The following WWTR1 variants were observed in gnomAD, a reference collection of about 807,000 sequenced individuals.
The protein encoded by WWTR1 is WW domain-containing transcription regulator protein 1.
WWTR1 carries 13 observed loss-of-function variants against 40.1 expected under a neutral mutation model. The ratio of observed to expected loss-of-function variants is 0.32; its 90% confidence interval spans 0.21 to 0.52. The LOEUF is 0.52. WWTR1 is among the 20% of genes least tolerant of loss of function. The pLI, the probability that WWTR1 is intolerant of heterozygous loss-of-function variation, is 0.97. For missense variants in WWTR1, 436 were observed against 523.1 expected (o/e 0.83, Z 1.63); for synonymous variants, 230 against 210.1 (o/e 1.09, Z -0.82).
intron 2 of WWTR1, among the ~76,000 whole-genome samples, chr3:149,615,677 A>G (rs545583440): frequency 6.6e-6 from 1 of 152,202 alleles, no homozygotes; most frequent in Non-Finnish European, 1.5e-5. Context: ...ATACTCATCA[A>G]TTCCTTGAGA....
In WWTR1 at chr3:149,517,878, G is replaced by A. The variant is rs1468074517; in HGVS notation, c.*2927C>T. On this transcript the variant is annotated 3_prime_UTR_variant, in exon 7 of 7. Coordinates refer to ENST00000360632, the MANE Select transcript of WWTR1 (RefSeq NM_015472.6). ...TCTGAAATTATTTTTCATTTGATAC[G>A]CCTTTTCTGTGACAAAATTTTGGGG... is the stretch of plus-strand genomic sequence containing the variant. The A allele has an allele frequency of 6.6e-6, 1 of 151,998 alleles. No individual in the cohort carries two copies. Among genetic ancestry groups the A allele is most frequent in the African/African-American group, 2.4e-5 (1 of 41,366 alleles). The allele number at this position is 151,998 out of a possible 1,614,324, so 9.4% of individuals were successfully genotyped here.
At chr3:149,562,573 C>G (rs183590378) in intron 3 of WWTR1, among the ~76,000 whole-genome samples, 1 of 140,918 alleles carries the variant, frequency 7.1e-6, no homozygotes, top group East Asian at 2.0e-4. Flanking sequence ...ATGTTTAGAA[C>G]CTTTTTTTTT....
chr3:149,694,673 T>C (rs1457272601), intron 1 of WWTR1, among the ~76,000 whole-genome samples: 1 of 152,148 alleles, frequency 6.6e-6, no homozygotes, highest in African/African-American at 2.4e-5. Context: ...CAGGCAATAA[T>C]GCAAGGATGC....
intron 3 of WWTR1, among the ~76,000 whole-genome samples, chr3:149,565,710 G>C (rs1202659605): frequency 3.3e-5 from 5 of 151,940 alleles, no homozygotes; most frequent in African/African-American, 9.7e-5. Context: ...TCAGGAGTTT[G>C]AGACCAGCCT....
upstream of WWTR1, chr3:149,661,045 T>A (rs1343772071): frequency 1.3e-5 from 2 of 152,248 alleles, no homozygotes; most frequent in Non-Finnish European, 2.9e-5. Flanking sequence ...TTGTGCCACT[T>A]CCCTGCCTTT....
chr3:149,627,986 T>C (rs1443369537), intron 2 of WWTR1, among the ~76,000 whole-genome samples: 1 of 149,282 alleles, frequency 6.7e-6, no homozygotes, highest in Non-Finnish European at 1.5e-5. Context: ...GGCAGAAAAA[T>C]CGCTTGAACC....
intron 2 of WWTR1, among the ~76,000 whole-genome samples, chr3:149,668,099 AT>A (rs1713907944): frequency 6.6e-6 from 1 of 152,226 alleles, no homozygotes; most frequent in Admixed American, 6.5e-5. Context: ...CATTAAATCT[AT>A]AAAAATAATA....
chr3:149,626,552 T>C (rs992746172), intron 2 of WWTR1, among the ~76,000 whole-genome samples: 5 of 151,846 alleles, frequency 3.3e-5, no homozygotes, highest in African/African-American at 7.3e-5. Flanking sequence ...ATGTTCAGTA[T>C]AGAAAAATAA....
At chr3:149,628,013 C>T (rs1336367012) in intron 2 of WWTR1, among the ~76,000 whole-genome samples, 10 of 146,820 alleles carry the variant, frequency 6.8e-5, no homozygotes, top group Admixed American at 2.1e-4. Context: ...GTGGGGGTTG[C>T]GGTGAGCCGA....
At chr3:149,698,666 G>C (rs986415962) in intron 1 of WWTR1, among the ~76,000 whole-genome samples, 10 of 152,198 alleles carry the variant, frequency 6.6e-5, no homozygotes, top group African/African-American at 2.4e-4. Context: ...GGACACCCAG[G>C]CTTTTCCATA....
chr3:149,563,672 T>C (rs766152797), intron 3 of WWTR1, among the ~76,000 whole-genome samples: 18 of 152,180 alleles, frequency 1.2e-4, no homozygotes, highest in Non-Finnish European at 2.1e-4. Context: ...GACTGAACGA[T>C]TGAGTAGGTT....
At chr3:149,595,990 C>T (rs1261331439) in intron 2 of WWTR1, among the ~76,000 whole-genome samples, 2 of 151,774 alleles carry the variant, frequency 1.3e-5, no homozygotes, top group Admixed American at 6.6e-5. Context: ...CAGAGATCAC[C>T]ACATCACTGC....
At chr3:149,676,590 C>G (rs758999563) in intron 1 of WWTR1, among the ~76,000 whole-genome samples, 2 of 152,116 alleles carry the variant, frequency 1.3e-5, no homozygotes, top group African/African-American at 2.4e-5. Context: ...TACAGCAACC[C>G]TGCCTGGCAG....
chr3:149,683,087 T>G (rs1714511748), intron 1 of WWTR1, among the ~76,000 whole-genome samples: 1 of 152,234 alleles, frequency 6.6e-6, no homozygotes, highest in East Asian at 1.9e-4. Flanking sequence ...GAAATGCTTT[T>G]CATTATCTTC....
intron 1 of WWTR1, chr3:149,703,002 C>A (rs1050376327): frequency 1.6e-4 from 24 of 152,214 alleles, no homozygotes; most frequent in African/African-American, 5.8e-4. Flanking sequence ...AAAGTGTTAA[C>A]ATTTACTATG....
chr3:149,622,446 AAAGAAAGG>A (rs1435799421), intron 2 of WWTR1, among the ~76,000 whole-genome samples: 7 of 118,420 alleles, frequency 5.9e-5, no homozygotes, highest in African/African-American at 1.9e-4. Flanking sequence ...TCCCAGAAAG[AAAGAAAGG>A]AAGGAAGGAA....
At chr3:149,672,965 TG>T (rs1338230614) in intron 1 of WWTR1, among the ~76,000 whole-genome samples, 2 of 152,224 alleles carry the variant, frequency 1.3e-5, no homozygotes, top group East Asian at 3.9e-4. Context: ...GAACTTTTAT[TG>T]TTAACTTTTC....
intron 2 of WWTR1, among the ~76,000 whole-genome samples, chr3:149,645,851 T>C (rs535755974): frequency 6.6e-6 from 1 of 152,346 alleles, no homozygotes; most frequent in South Asian, 2.1e-4. Context: ...CACCATGTTT[T>C]GACTCCTGAG....
intron 2 of WWTR1, among the ~76,000 whole-genome samples, chr3:149,618,382 G>C (rs1031633979): frequency 2.0e-5 from 3 of 152,118 alleles, no homozygotes; most frequent in Non-Finnish European, 2.9e-5. Context: ...AACATCTCTC[G>C]AGCATCCATC....
Sources: gnomAD v4.1 joint callset for allele counts (sites outside exome capture counted in the v4.1 genomes callset) on GRCh38, gnomAD v4.1.1 for gene constraint, MANE v1.5 for transcripts, NCBI Gene and HGNC (gene_info 2026-07-23, HGNC 2026-07-21) for gene names.